The following ADAMTSL1 variants were observed in gnomAD, a reference collection of about 807,000 sequenced individuals.
The protein encoded by ADAMTSL1 is ADAMTS like 1.
ADAMTSL1 carries 126 observed loss-of-function variants against 201.8 expected under a neutral mutation model. That is an observed-to-expected ratio of 0.62 (90% confidence interval 0.54 to 0.72). ADAMTSL1 has a LOEUF of 0.72. ADAMTSL1 is among the 30% of genes least tolerant of loss of function. The pLI is 0.00. For synonymous variants in ADAMTSL1, 1,121 were observed against 903.4 expected (o/e 1.24, Z -4.32); for missense variants, 2,679 against 2,277.8 (o/e 1.18, Z -3.59).
chr9:18,195,374 CT>C (rs1321838354), intron 2 of ADAMTSL1, among the ~76,000 whole-genome samples: 1 of 152,046 alleles, frequency 6.6e-6, no homozygotes, highest in Admixed American at 6.6e-5. Flanking sequence ...ATGTTAGGCA[CT>C]TTTATGATTT....
chr9:18,256,562 A>G (rs531290111), intron 2 of ADAMTSL1, among the ~76,000 whole-genome samples: 66 of 152,356 alleles, frequency 4.3e-4, no homozygotes, highest in African/African-American at 3.1e-4. Context: ...GGGCATAGAC[A>G]TGAATAGAAT....
intron 2 of ADAMTSL1, among the ~76,000 whole-genome samples, chr9:18,191,298 G>A (rs961079020): frequency 1.3e-5 from 2 of 152,134 alleles, no homozygotes; most frequent in Non-Finnish European, 2.9e-5. Context: ...CTGTTGATGT[G>A]CTTCAGCACT....
In ADAMTSL1 at chr9:18,521,618, A is replaced by G. The variant is rs1202838896; in HGVS notation, c.192-11629A>G. On this transcript the variant is annotated intron_variant, in intron 2 of 28. Transcript: ENST00000380548. ...TATATAATGAAGATACAGTATAAGC[A>G]TGGTTATCTGCAGATACTTTTAAAG... Among the ~76,000 whole-genome samples the G allele has an allele frequency of 2.6e-5, 4 of 152,150 alleles. No individual in the cohort carries two copies. The East Asian group carries it at 7.7e-4, about 29-fold the overall frequency.
At chr9:18,237,680 G>A (rs2132434863) in intron 2 of ADAMTSL1, among the ~76,000 whole-genome samples, 1 of 152,288 alleles carries the variant, frequency 6.6e-6, no homozygotes, top group Middle Eastern at 3.4e-3. Flanking sequence ...AACTTAAGTA[G>A]TCAACTGAAT....
intron 2 of ADAMTSL1, among the ~76,000 whole-genome samples, chr9:18,301,643 T>G (rs952129701): frequency 6.6e-6 from 1 of 152,186 alleles, no homozygotes; most frequent in Non-Finnish European, 1.5e-5. Context: ...TCGCCTATTT[T>G]CGGGCTCCAG....
chr9:18,512,891 T>C (rs1818118707), intron 2 of ADAMTSL1, among the ~76,000 whole-genome samples: 1 of 152,194 alleles, frequency 6.6e-6, no homozygotes, highest in Admixed American at 6.5e-5. Context: ...ATATGCAGTA[T>C]TGTCATTTTA....
At chr9:18,735,429 G>A (rs1818446146) in intron 15 of ADAMTSL1, among the ~76,000 whole-genome samples, 2 of 152,194 alleles carry the variant, frequency 1.3e-5, no homozygotes, top group African/African-American at 4.8e-5. Flanking sequence ...ATATTTCAAA[G>A]GGTTGGTTTT....
chr9:18,705,577 A>T (rs1467463575), intron 13 of ADAMTSL1, among the ~76,000 whole-genome samples: 2 of 152,192 alleles, frequency 1.3e-5, no homozygotes, highest in Non-Finnish European at 2.9e-5. Flanking sequence ...CTGAATGCAA[A>T]ACCTCTCATT....
intron 3 of ADAMTSL1, among the ~76,000 whole-genome samples, chr9:18,566,335 A>G (rs142711546): frequency 7.0e-4 from 107 of 152,308 alleles, no homozygotes; most frequent in African/African-American, 2.4e-3. Flanking sequence ...AGAAAGCCAA[A>G]TGGGAAAAGA....
intron 7 of ADAMTSL1, among the ~76,000 whole-genome samples, chr9:18,655,371 A>C (rs1032355713): frequency 6.6e-6 from 1 of 152,206 alleles, no homozygotes; most frequent in African/African-American, 2.4e-5. Context: ...AATTAGAAAC[A>C]CTGAAACATT....
At chr9:18,395,344 G>A (rs539475192) in intron 2 of ADAMTSL1, among the ~76,000 whole-genome samples, 1 of 152,220 alleles carries the variant, frequency 6.6e-6, no homozygotes, top group Non-Finnish European at 1.5e-5. Context: ...GAAAAATGTG[G>A]GTATTGGTTT....
At chr9:18,335,419 T>G (rs1835193567) in intron 2 of ADAMTSL1, among the ~76,000 whole-genome samples, 1 of 152,114 alleles carries the variant, frequency 6.6e-6, no homozygotes, top group Non-Finnish European at 1.5e-5. Flanking sequence ...ACCAACCTAC[T>G]GACCACAGAT....
chr9:18,618,811 T>A (rs112466984), intron 4 of ADAMTSL1, among the ~76,000 whole-genome samples: 12 of 152,312 alleles, frequency 7.9e-5, no homozygotes, highest in African/African-American at 2.6e-4. Context: ...CTTCTACTTT[T>A]ATTTCAGTAA....
At chr9:18,317,842 G>A (rs1228214812) in intron 2 of ADAMTSL1, among the ~76,000 whole-genome samples, 1 of 152,160 alleles carries the variant, frequency 6.6e-6, no homozygotes, top group East Asian at 1.9e-4. Flanking sequence ...ACTTCCTGAG[G>A]GCAAACACCA....
chr9:18,104,166 C>T (rs1261584343), intron 1 of ADAMTSL1, among the ~76,000 whole-genome samples: 1 of 152,170 alleles, frequency 6.6e-6, no homozygotes, highest in Non-Finnish European at 1.5e-5. Flanking sequence ...TAGTTCTCTA[C>T]AGGCCACACA....
chr9:18,104,889 T>C (rs1824690558), intron 1 of ADAMTSL1, among the ~76,000 whole-genome samples: 1 of 152,176 alleles, frequency 6.6e-6, no homozygotes, highest in Non-Finnish European at 1.5e-5. Flanking sequence ...TCATCACTTA[T>C]ATGAGGCTTC....
At chr9:18,005,131 C>T (rs1027510438) in intron 1 of ADAMTSL1, among the ~76,000 whole-genome samples, 4 of 152,058 alleles carry the variant, frequency 2.6e-5, no homozygotes, top group Non-Finnish European at 5.9e-5. Flanking sequence ...GAGCACATAA[C>T]TGAGTTTATA....
intron 15 of ADAMTSL1, among the ~76,000 whole-genome samples, chr9:18,721,892 T>C (rs919444600): frequency 1.3e-5 from 2 of 152,246 alleles, no homozygotes; most frequent in African/African-American, 4.8e-5. Flanking sequence ...GTGCATTCAC[T>C]TGAGCCTGTG....
At position 18,829,851 on chromosome 9, in the gene ADAMTSL1, C is replaced by CA; in HGVS notation, c.4125dup (p.Val1376SerfsTer52). On this transcript the variant is annotated frameshift_variant, in exon 23 of 29. Transcript: ENST00000380548. LOFTEE classifies it high-confidence loss of function. ...CCTCTGCCTTCTCACAGATCCCCCC[C>CA]AAGTCCCCACACAGTTGGAAGACAT... The CA allele has an allele frequency of 6.2e-7, 1 of 1,613,994 alleles. No individual in the cohort carries two copies. The highest frequency in any genetic ancestry group is 2.2e-5 in the East Asian group (1 of 44,884).
Sources: gnomAD v4.1 joint callset for allele counts (sites outside exome capture counted in the v4.1 genomes callset) on GRCh38, gnomAD v4.1.1 for gene constraint, MANE v1.5 for transcripts, NCBI Gene and HGNC (gene_info 2026-07-23, HGNC 2026-07-21) for gene names.